Variants in SCHIP1 observed in about 807,000 individuals in gnomAD.
SCHIP1 encodes the protein schwannomin-interacting protein 1.
Under a neutral mutation model 29.7 loss-of-function variants are expected in SCHIP1, and 8 were observed. The ratio of observed to expected loss-of-function variants is 0.27; its 90% CI spans 0.16 to 0.49. SCHIP1 has a LOEUF of 0.49. Ranked by LOEUF, SCHIP1 falls within the 20% of genes least tolerant of loss-of-function variation. The probability of loss-of-function intolerance (pLI) is 0.99; values close to 1 mark genes in which losing one functional copy is unlikely to be tolerated. For synonymous variants in SCHIP1, 76 were observed against 94.9 expected (o/e 0.80, Z 1.16); for missense variants, 193 against 294.6 (o/e 0.66, Z 2.52).
At chr3:159,550,239 G>A in the SCHIP1 span, among the ~76,000 whole-genome samples, 1 of 151,814 alleles carries the variant, frequency 6.6e-6, no homozygotes, top group South Asian at 2.1e-4. Flanking sequence ...ATTATTAAAT[G>A]AATAATATTA....
the SCHIP1 span, among the ~76,000 whole-genome samples, chr3:159,397,330 C>A: frequency 6.6e-6 from 1 of 152,226 alleles, no homozygotes; most frequent in African/African-American, 2.4e-5. Context: ...TCGTTAAAGT[C>A]ATTCTCCGTC....
At chr3:159,562,451 AC>A in the SCHIP1 span, among the ~76,000 whole-genome samples, 1 of 152,318 alleles carries the variant, frequency 6.6e-6, no homozygotes, top group Admixed American at 6.5e-5. Context: ...GGAGGGAGGT[AC>A]CAACTGGCTA....
chr3:159,635,538 A>G, the SCHIP1 span, among the ~76,000 whole-genome samples: 1 of 152,126 alleles, frequency 6.6e-6, no homozygotes, highest in Non-Finnish European at 1.5e-5. Context: ...TCTGGTTTGT[A>G]AGTTTCTTGA....
the SCHIP1 span, among the ~76,000 whole-genome samples, chr3:159,394,946 G>C: frequency 1.3e-5 from 2 of 152,104 alleles, no homozygotes; most frequent in Non-Finnish European, 2.9e-5. Flanking sequence ...GTCTGGGCCT[G>C]GACTCTTTTT....
chr3:159,353,871 G>C, the SCHIP1 span, among the ~76,000 whole-genome samples: 591 of 152,296 alleles, frequency 3.9e-3, 4 homozygotes, highest in Non-Finnish European at 7.0e-3. Context: ...TGCAACATCA[G>C]TTCCATTAAA....
chr3:159,828,361 T>TTTTA, the SCHIP1 span, among the ~76,000 whole-genome samples: 1 of 101,488 alleles, frequency 9.9e-6, no homozygotes, highest in African/African-American at 4.9e-5. Flanking sequence ...AGTGTAACCT[T>TTTTA]TATATATATA....
intron 1 of SCHIP1, among the ~76,000 whole-genome samples, chr3:159,855,709 A>G (rs914945988): frequency 7.2e-5 from 11 of 152,118 alleles, no homozygotes; most frequent in East Asian, 3.8e-4. Context: ...TTTGAGGTCA[A>G]TTGTCAAAAA....
chr3:159,456,399 T>C, the SCHIP1 span, among the ~76,000 whole-genome samples: 1 of 152,182 alleles, frequency 6.6e-6, no homozygotes, highest in East Asian at 1.9e-4. Flanking sequence ...GCTTTCATAC[T>C]TTGGTTTGGA....
At chr3:159,417,519 A>G in the SCHIP1 span, among the ~76,000 whole-genome samples, 1 of 152,224 alleles carries the variant, frequency 6.6e-6, no homozygotes, top group Non-Finnish European at 1.5e-5. Context: ...AACCACTATT[A>G]TAAGTCTTCT....
chr3:159,514,724 C>A, the SCHIP1 span, among the ~76,000 whole-genome samples: 25 of 152,194 alleles, frequency 1.6e-4, no homozygotes, highest in African/African-American at 6.0e-4. Flanking sequence ...GAATCTCAAC[C>A]CACTCTATCA....
the SCHIP1 span, among the ~76,000 whole-genome samples, chr3:159,382,232 A>G: frequency 4.9e-3 from 1 of 206 alleles, no homozygotes; most frequent in African/African-American, 0.025. Flanking sequence ...AGCATTAGGT[A>G]TTCTCCTAAT....
chr3:159,367,811 G>A, the SCHIP1 span, among the ~76,000 whole-genome samples: 1 of 151,968 alleles, frequency 6.6e-6, no homozygotes. Flanking sequence ...AATGCAAGAA[G>A]TAATAATTAT....
At chr3:159,279,216 TG>T in the SCHIP1 span, among the ~76,000 whole-genome samples, 1 of 152,146 alleles carries the variant, frequency 6.6e-6, no homozygotes, top group African/African-American at 2.4e-5. Context: ...GCTGTTCTCA[TG>T]ATAGTGAGCA....
the SCHIP1 span, among the ~76,000 whole-genome samples, chr3:159,671,845 T>G: frequency 1.3e-5 from 2 of 151,754 alleles, no homozygotes; most frequent in Non-Finnish European, 2.9e-5. Context: ...GAACAAAGAG[T>G]CTGAGAAATG....
chr3:159,895,107 G>T (rs1717930070), intron 6 of SCHIP1, among the ~76,000 whole-genome samples: 1 of 152,212 alleles, frequency 6.6e-6, no homozygotes. Context: ...TGAGGCATAT[G>T]AGTTAGTCAC....
At chr3:159,455,578 C>G in the SCHIP1 span, among the ~76,000 whole-genome samples, 1 of 152,132 alleles carries the variant, frequency 6.6e-6, no homozygotes, top group Non-Finnish European at 1.5e-5. Context: ...TGGGAATGCC[C>G]CATGATTTGA....
At chr3:159,668,544 C>T in the SCHIP1 span, among the ~76,000 whole-genome samples, 7 of 151,978 alleles carry the variant, frequency 4.6e-5, no homozygotes, top group Admixed American at 6.6e-5. Flanking sequence ...AGGTGGATGG[C>T]GTGTCTCATC....
chr3:159,374,562 A>G, the SCHIP1 span, among the ~76,000 whole-genome samples: 1 of 152,204 alleles, frequency 6.6e-6, no homozygotes, highest in African/African-American at 2.4e-5. Flanking sequence ...TTACTTAATG[A>G]TGAGACATGA....
At chr3:159,283,412 T>C in the SCHIP1 span, among the ~76,000 whole-genome samples, 1 of 152,184 alleles carries the variant, frequency 6.6e-6, no homozygotes. Flanking sequence ...CGCCTTGGCC[T>C]CCCAAACTGC....
Sources: allele counts gnomAD v4.1 joint callset (sites outside exome capture counted in the v4.1 genomes callset), GRCh38; gene constraint gnomAD v4.1.1; transcripts MANE v1.5; gene names NCBI Gene and HGNC (gene_info 2026-07-23, HGNC 2026-07-21).